ARHGEF33: variants seen among roughly 807,000 people sequenced by gnomAD.
ARHGEF33 encodes the protein DH and coiled-coil domain-containing protein ENSP00000381780.
A neutral mutation model predicts 101.9 loss-of-function variants in ARHGEF33; 72 were observed. The ratio of observed to expected loss-of-function variants is 0.71; its 90% CI spans 0.58 to 0.86. ARHGEF33 has a LOEUF of 0.86. ARHGEF33 is among the 40% of genes least tolerant of loss of function. ARHGEF33 has a pLI of 0.00. For synonymous variants in ARHGEF33, 499 were observed against 442.5 expected (o/e 1.13, Z -1.60); for missense variants, 1,169 against 1,111.3 (o/e 1.05, Z -0.74).
intron 3 of ARHGEF33, among the ~76,000 whole-genome samples, chr2:38,920,969 G>A (rs896172137): frequency 2.0e-5 from 3 of 152,140 alleles, no homozygotes; most frequent in East Asian, 3.9e-4. Context: ...AGCTCGCTGA[G>A]GTCACTAAGT....
chr2:38,952,443 T>C (rs1356101826), intron 11 of ARHGEF33, among the ~76,000 whole-genome samples: 1 of 152,202 alleles, frequency 6.6e-6, no homozygotes, highest in Non-Finnish European at 1.5e-5. Flanking sequence ...TGTTGTGAAC[T>C]ACTGATCTGG....
chr2:38,940,741 A>G (rs1667285111), intron 9 of ARHGEF33, among the ~76,000 whole-genome samples: 1 of 152,204 alleles, frequency 6.6e-6, no homozygotes, highest in African/African-American at 2.4e-5. Flanking sequence ...TGCAATTGAG[A>G]AAAAGTTGAA....
At chr2:38,902,480 T>C (rs1195944873) in intron 2 of ARHGEF33, among the ~76,000 whole-genome samples, 1 of 152,236 alleles carries the variant, frequency 6.6e-6, no homozygotes, top group African/African-American at 2.4e-5. Context: ...GCCAAGTCAC[T>C]TATCCTCTCT....
At chr2:38,961,858 C>T (rs988558005) in intron 16 of ARHGEF33, among the ~76,000 whole-genome samples, 2 of 151,596 alleles carry the variant, frequency 1.3e-5, no homozygotes, top group African/African-American at 4.9e-5. Flanking sequence ...GTAAAAGCTG[C>T]CTAGAAGTTG....
At chr2:38,973,665 C>T in intron 17 of ARHGEF33, 49 bp from the exon 18 acceptor site, 2 of 1,433,718 alleles carry the variant, frequency 1.4e-6, no homozygotes, top group Non-Finnish European at 1.8e-6. Context: ...TATTTGAAAA[C>T]AATTAAAACC....
chr2:38,960,772 C>A, intron 16 of ARHGEF33, 124 bp downstream of exon 16: 2 of 824,256 alleles, frequency 2.4e-6, no homozygotes, highest in Non-Finnish European at 3.1e-6. Flanking sequence ...GGCGGCTGCG[C>A]GAGCCGTCGG....
intron 2 of ARHGEF33, among the ~76,000 whole-genome samples, chr2:38,904,722 A>AAAT (rs34214174): frequency 6.8e-6 from 1 of 147,180 alleles, no homozygotes; most frequent in Non-Finnish European, 1.5e-5. Flanking sequence ...AAAAAAAAAA[A>AAAT]GGAAAAGAAG....
intron 2 of ARHGEF33, among the ~76,000 whole-genome samples, chr2:38,900,671 G>A (rs1465030299): frequency 6.6e-6 from 1 of 152,150 alleles, no homozygotes; most frequent in African/African-American, 2.4e-5. Flanking sequence ...CTGATTAGAG[G>A]AGCAGTCCCA....
chr2:38,932,273 C>G (rs1016761570), intron 7 of ARHGEF33, among the ~76,000 whole-genome samples: 9 of 152,126 alleles, frequency 5.9e-5, no homozygotes, highest in African/African-American at 2.2e-4. Flanking sequence ...GGTCTACAGG[C>G]GTCACCATGC....
In ARHGEF33 at chr2:38,929,745, A is replaced by G. The variant is rs1666951946; in HGVS notation, c.277A>G (p.Ile93Val). Residue 93 changes from isoleucine to valine, a missense_variant, in exon 6 of 18, where the codon ATC becomes GTC. Transcript: ENST00000409978. ...LSNAMSMIQA[I>V]TSKQEEMQQK... ...CAATGCCATGTCGATGATCCAAGCC[A>G]TCACTTCCAAACAAGAAGAAATGCA... is the stretch of plus-strand genomic sequence containing the variant. 6.4e-7 allele frequency: 1 copy of G among 1,552,010 alleles called. No homozygotes were observed. The highest frequency in any genetic ancestry group is 2.0e-5 in the Admixed American group (1 of 51,012).
chr2:38,929,142 T>A, intron 5 of ARHGEF33, 71 bp downstream of exon 5: 1 of 1,231,808 alleles, frequency 8.1e-7, no homozygotes, highest in Non-Finnish European at 1.1e-6. Context: ...AAAACTTGCC[T>A]TTTTCTGGCT....
At chr2:38,919,550 C>T (rs891824321) in intron 3 of ARHGEF33, 78 bp downstream of exon 3, 42 of 1,356,760 alleles carry the variant, frequency 3.1e-5, no homozygotes, top group African/African-American at 4.3e-5. Flanking sequence ...ACCACTGTCT[C>T]GAGACATGAC....
At chr2:38,929,258 G>A (rs1051089836) in intron 5 of ARHGEF33, among the ~76,000 whole-genome samples, 187 bp downstream of exon 5, 3 of 152,138 alleles carry the variant, frequency 2.0e-5, no homozygotes, top group Middle Eastern at 3.4e-3. Context: ...GTGAAACCCC[G>A]TCTCTACTAA....
chr2:38,926,381 G>A (rs1209994003), intron 4 of ARHGEF33, among the ~76,000 whole-genome samples: 4 of 152,202 alleles, frequency 2.6e-5, no homozygotes, highest in Non-Finnish European at 5.9e-5. Context: ...TAGTTTACAA[G>A]GGAGTGGTCA....
intron 2 of ARHGEF33, among the ~76,000 whole-genome samples, chr2:38,897,026 C>A (rs910089000): frequency 2.0e-5 from 3 of 152,176 alleles, no homozygotes; most frequent in African/African-American, 4.8e-5. Context: ...AGTGATTCTT[C>A]TGCCTCAGCG....
intron 15 of ARHGEF33, 156 bp from the exon 16 acceptor site, chr2:38,959,685 G>C: frequency 1.3e-6 from 1 of 771,302 alleles, no homozygotes; most frequent in Non-Finnish European, 2.0e-6. Flanking sequence ...CCTGGGAACG[G>C]GGGTTCGTGG....
intron 10 of ARHGEF33, among the ~76,000 whole-genome samples, chr2:38,945,777 G>A (rs1040604007): frequency 2.6e-5 from 4 of 152,232 alleles, no homozygotes; most frequent in African/African-American, 9.6e-5. Flanking sequence ...TACTGTGGAA[G>A]GGAGTAGTAA....
At chr2:38,903,486 A>T (rs1666296256) in intron 2 of ARHGEF33, among the ~76,000 whole-genome samples, 1 of 151,666 alleles carries the variant, frequency 6.6e-6, no homozygotes, top group Non-Finnish European at 1.5e-5. Context: ...TTTGTTTTGG[A>T]GACAGGAGCA....
chr2:38,940,873 A>G (rs1306255593), intron 9 of ARHGEF33, among the ~76,000 whole-genome samples: 2 of 152,154 alleles, frequency 1.3e-5, no homozygotes, highest in African/African-American at 4.8e-5. Flanking sequence ...TGCAGATGAA[A>G]TCACAGGGAT....
Sources: allele counts gnomAD v4.1 joint callset (sites outside exome capture counted in the v4.1 genomes callset), GRCh38; gene constraint gnomAD v4.1.1; transcripts MANE v1.5; gene names NCBI Gene and HGNC (gene_info 2026-07-23, HGNC 2026-07-21).